Variants in RBMX observed in about 807,000 individuals in gnomAD.
RBMX encodes the protein RNA binding motif protein X-linked.
A neutral mutation model predicts 29.3 loss-of-function variants in RBMX; 1 was observed. The ratio of observed to expected loss-of-function variants is 0.03; its 90% CI spans 0.01 to 0.16. RBMX has a LOEUF of 0.16. Among genes scored for constraint, RBMX ranks in the 10% least tolerant of loss-of-function variants. The pLI, the probability that RBMX is intolerant of heterozygous loss-of-function variation, is 1.00. For synonymous variants in RBMX, 102 were observed against 102.3 expected, an observed-to-expected ratio of 1.00 and a Z score of 0.02; for missense variants, 121 against 333.2, an observed-to-expected ratio of 0.36 and a Z score of 4.96.
At chrX:136,874,500 T>C (rs2077709125) in intron 8 of RBMX, 48 bp from the exon 9 acceptor site, 2 of 1,145,506 alleles carry the variant, frequency 1.7e-6, no homozygotes, top group Non-Finnish European at 1.2e-6. Context: ...AAATTGTATA[T>C]ATACAACATT....
rs1470595997 is a variant in RBMX, at chrX:136,875,390, A to G, written c.657-7T>C. ...GTAATCTCTGCTTGAATAGCTACAA[A>G]GCAAAAGTTTTGGTTTATGCTTTTG... On this transcript the variant is annotated splice_polypyrimidine_tract_variant and splice_region_variant and intron_variant, in intron 6 of 8. Transcript: ENST00000320676. The G allele has an allele frequency of 6.6e-6, 8 of 1,207,615 alleles. No homozygotes were observed. Among genetic ancestry groups the G allele is most frequent in the Non-Finnish European group, 7.8e-6 (7 of 893,739 alleles).
intron 4 of RBMX, among the ~76,000 whole-genome samples, chrX:136,877,452 CTTTTTTTTT>C (rs551259279): frequency 1.2e-5 from 1 of 85,874 alleles, no homozygotes; most frequent in African/African-American, 4.3e-5. Flanking sequence ...TCTTAAAAAA[CTTTTTTTTT>C]TTTTTTTTGA....
chrX:136,870,804 GA>G (rs943195568), downstream of RBMX, among the ~76,000 whole-genome samples: 4 of 101,362 alleles, frequency 3.9e-5, no homozygotes, highest in Non-Finnish European at 6.0e-5. Flanking sequence ...AAAAGAAAAA[GA>G]AAAAAAGAAA....
chrX:136,870,198 T>G (rs2077676500), downstream of RBMX: 1 of 112,494 alleles, frequency 8.9e-6, no homozygotes, highest in Non-Finnish European at 1.9e-5. Flanking sequence ...ACTTACCAAT[T>G]TCCTTAATTA....
chrX:136,872,047 A>G (rs2077688632), downstream of RBMX, among the ~76,000 whole-genome samples: 1 of 111,361 alleles, frequency 9.0e-6, no homozygotes, highest in African/African-American at 3.3e-5. Flanking sequence ...GCTAAGAATA[A>G]TCTCATGAAT....
chrX:136,876,033 C>T (rs1430997819), intron 5 of RBMX, among the ~76,000 whole-genome samples: 18 of 110,277 alleles, frequency 1.6e-4, no homozygotes, highest in Admixed American at 1.5e-3. Context: ...AACTCCGGGC[C>T]TCATGATCTG....
chrX:136,876,884 G>GT lies in RBMX; in HGVS notation c.389-230dup, dbSNP rs766381924. Among the ~76,000 whole-genome samples the GT allele has an allele frequency of 4.9e-3, 507 of 103,698 alleles. 3 individuals carry two copies. Among genetic ancestry groups the GT allele is most frequent in the Non-Finnish European group, 6.4e-3 (324 of 50,624 alleles). The allele number at this position is 103,698 out of a possible 115,157, so 90.0% of individuals were successfully genotyped here. ...CACCACACCCAGCTAATTTTTGGTGGTTTTTTTTAAGTAGAGACAGGATTT... is the reference window on the plus strand; with the variant it reads ...CACCACACCCAGCTAATTTTTGGTGGTTTTTTTTTAAGTAGAGACAGGATTT... On this transcript the variant is annotated intron_variant, in intron 4 of 8. Transcript: ENST00000320676.
At chrX:136,879,944 C>T (rs1308477514) in intron 1 of RBMX, among the ~76,000 whole-genome samples, 1 of 111,497 alleles carries the variant, frequency 9.0e-6, no homozygotes, top group Non-Finnish European at 1.9e-5. Context: ...CAAGTTATGC[C>T]GCCCCTCTTC....
rs957240759 is a variant in RBMX at position 136,875,592 on chromosome X, G to A, written c.542-7C>T. 8.4e-6 allele frequency: 10 copies of A among 1,194,120 alleles called. No homozygotes were observed. The African/African-American group carries it at 1.2e-4, about 15-fold the overall frequency. The stretch of plus-strand genomic sequence containing the variant: ...CTTCCACGTGATACAGGAGCTTAAG[G>A]AAAAATATCATTTTTTTAAACATAG... On this transcript the variant is annotated splice_region_variant and splice_polypyrimidine_tract_variant and intron_variant, in intron 5 of 8. Transcript: ENST00000320676.
In RBMX at chrX:136,875,054, GTGATACTAAAGACCC is replaced by G; in HGVS notation, c.865+17_865+31del. The G allele has an allele frequency of 8.3e-7, 1 of 1,205,372 alleles. No individual in the cohort carries two copies. Among genetic ancestry groups the G allele is most frequent in the African/African-American group, 1.7e-5 (1 of 57,471 alleles). ...CTCACGAACCTAAAAACTCAAGCTG[GTGATACTAAAGACCC>G]TTAACCAGTATCTTACCATAACTCT... On this transcript the variant is annotated intron_variant, in intron 8 of 8. Coordinates refer to ENST00000320676, the MANE Select transcript of RBMX (RefSeq NM_002139.4).
At chrX:136,877,340 C>A (rs866378883) in intron 4 of RBMX, among the ~76,000 whole-genome samples, 5 of 84,863 alleles carry the variant, frequency 5.9e-5, no homozygotes, top group South Asian at 7.9e-4. Context: ...CCCCCCCCCC[C>A]CAAAAAAAAA....
chrX:136,877,341 C>CCCCA (rs1491575416), intron 4 of RBMX, among the ~76,000 whole-genome samples: 3 of 73,651 alleles, frequency 4.1e-5, no homozygotes, highest in Middle Eastern at 5.5e-3. Context: ...CCCCCCCCCC[C>CCCCA]AAAAAAAAAC....
downstream of RBMX, chrX:136,873,084 G>A (rs1603365925): frequency 9.2e-6 from 1 of 108,128 alleles, no homozygotes; most frequent in African/African-American, 3.4e-5. Flanking sequence ...TGTTGAATTT[G>A]GAGGACTTCT....
downstream of RBMX, chrX:136,872,222 T>C (rs938816615): frequency 8.2e-6 from 8 of 973,601 alleles, no homozygotes; most frequent in Non-Finnish European, 1.1e-5. Context: ...TAAATGGTAG[T>C]TACACAACAT....
chrX:136,876,270 C>T (rs777192348), intron 5 of RBMX, among the ~76,000 whole-genome samples: 226 of 107,673 alleles, frequency 2.1e-3, no homozygotes, highest in Non-Finnish European at 2.0e-3. Flanking sequence ...ATTACAGGAA[C>T]CCGCCCTACA....
chrX:136,875,776 A>T (rs1347058041), intron 5 of RBMX, among the ~76,000 whole-genome samples, 191 bp from the exon 6 acceptor site: 1 of 111,069 alleles, frequency 9.0e-6, no homozygotes, highest in African/African-American at 3.3e-5. Flanking sequence ...CCATTTATCT[A>T]ATCACCTAGA....
In RBMX at chrX:136,874,526, C is replaced by A; in HGVS notation, c.866-74G>T. ...ATACAACATTTTAAATCTGAATTTA[C>A]AGAATTCTTGTATTAAAAGTTTACT... is the stretch of plus-strand genomic sequence containing the variant. On this transcript the variant is annotated intron_variant, in intron 8 of 8. Transcript: ENST00000320676. 3 of 1,114,759 alleles carry A rather than the reference C, an allele frequency of 2.7e-6. No individual in the cohort carries two copies. In the East Asian group the frequency reaches 9.4e-5, roughly 35 times the overall value. 91.9% of individuals were successfully genotyped at this position (1,114,759 alleles called of 1,213,427 possible).
intron 4 of RBMX, 144 bp downstream of exon 4, chrX:136,877,771 T>C (rs2077749268): frequency 4.0e-6 from 2 of 500,433 alleles, no homozygotes; most frequent in South Asian, 1.1e-4. Flanking sequence ...TGCTTTCAAT[T>C]GGCAATCACT....
At chrX:136,877,578 G>A (rs757797294) in intron 4 of RBMX, among the ~76,000 whole-genome samples, 2 of 107,619 alleles carry the variant, frequency 1.9e-5, no homozygotes, top group South Asian at 8.4e-4. Flanking sequence ...AGCCTCCGTA[G>A]TAGCTGGGAT....
Sources: allele counts gnomAD v4.1 joint callset (sites outside exome capture counted in the v4.1 genomes callset), GRCh38; gene constraint gnomAD v4.1.1; transcripts MANE v1.5; gene names NCBI Gene and HGNC (gene_info 2026-07-23, HGNC 2026-07-21).